The following UNC13C variants were observed in gnomAD, a reference collection of about 807,000 sequenced individuals.
UNC13C encodes the protein protein unc-13 homolog C.
In UNC13C, 174 loss-of-function variants were observed where a neutral mutation model predicts 245.4. The observed-to-expected ratio is 0.71, with a 90% confidence interval of 0.63 to 0.80. UNC13C has a LOEUF of 0.80. Ranked by LOEUF, UNC13C falls within the 30% of genes least tolerant of loss-of-function variation. The pLI, the probability that UNC13C is intolerant of heterozygous loss-of-function variation, is 0.00. For missense variants in UNC13C, 2,829 were observed against 2,602.9 expected (o/e 1.09, Z -1.89); for synonymous variants, 992 against 895.1 (o/e 1.11, Z -1.93).
chr15:54,330,344 T>C (rs976196830), intron 14 of UNC13C, among the ~76,000 whole-genome samples: 1 of 152,038 alleles, frequency 6.6e-6, no homozygotes, highest in Non-Finnish European at 1.5e-5. Flanking sequence ...CCATGGCATG[T>C]GGTCATCCTT....
At chr15:54,613,868 A>T (rs1900259833) in intron 30 of UNC13C, among the ~76,000 whole-genome samples, 1 of 151,964 alleles carries the variant, frequency 6.6e-6, no homozygotes, top group South Asian at 2.1e-4. Flanking sequence ...AGCATTTGTG[A>T]CCAGGGCAAA....
chr15:54,404,368 A>C (rs1256819801), intron 18 of UNC13C, among the ~76,000 whole-genome samples: 3 of 152,192 alleles, frequency 2.0e-5, no homozygotes, highest in Admixed American at 1.3e-4. Flanking sequence ...GAAATTTGCA[A>C]GATAATAAAT....
chr15:54,017,050 C>G (rs1895693376), intron 2 of UNC13C, among the ~76,000 whole-genome samples: 1 of 152,098 alleles, frequency 6.6e-6, no homozygotes, highest in Admixed American at 6.6e-5. Context: ...ATTGAATAAT[C>G]AGAAATCTTT....
chr15:54,179,149 A>C (rs2033714293), intron 4 of UNC13C, among the ~76,000 whole-genome samples: 1 of 152,046 alleles, frequency 6.6e-6, no homozygotes, highest in Admixed American at 6.6e-5. Flanking sequence ...CATGTACCCT[A>C]CCCATCTTAC....
chr15:54,180,156 T>A (rs987752321), intron 4 of UNC13C, among the ~76,000 whole-genome samples: 1 of 151,980 alleles, frequency 6.6e-6, no homozygotes, highest in African/African-American at 2.4e-5. Flanking sequence ...CTTTGCCTCT[T>A]CTCTTCTCCG....
chr15:54,028,444 A>C (rs1896210957), intron 2 of UNC13C, among the ~76,000 whole-genome samples: 1 of 152,128 alleles, frequency 6.6e-6, no homozygotes, highest in Non-Finnish European at 1.5e-5. Flanking sequence ...CTCAGCATCC[A>C]GCGATACATA....
chr15:53,857,192 T>C, the UNC13C span, among the ~76,000 whole-genome samples: 1 of 152,242 alleles, frequency 6.6e-6, no homozygotes, highest in African/African-American at 2.4e-5. Context: ...CACACTGGAG[T>C]CTCTGAGCCT....
chr15:54,446,234 C>T (rs951295175), intron 19 of UNC13C, among the ~76,000 whole-genome samples: 9 of 152,140 alleles, frequency 5.9e-5, no homozygotes, highest in African/African-American at 2.2e-4. Context: ...CGTGATGCCT[C>T]CAGCTTTATT....
intron 13 of UNC13C, among the ~76,000 whole-genome samples, chr15:54,314,492 A>G (rs528153873): frequency 6.6e-6 from 1 of 151,804 alleles, no homozygotes; most frequent in South Asian, 2.1e-4. Context: ...GAGAAGCTAT[A>G]CCATGGTGGA....
chr15:54,303,053 G>A (rs2037629731), intron 13 of UNC13C, among the ~76,000 whole-genome samples: 2 of 151,952 alleles, frequency 1.3e-5, no homozygotes, highest in Non-Finnish European at 2.9e-5. Flanking sequence ...AAAAAAATAA[G>A]AAACCTTAGA....
chr15:54,035,990 T>G (rs1896563530), intron 2 of UNC13C, among the ~76,000 whole-genome samples: 1 of 152,194 alleles, frequency 6.6e-6, no homozygotes, highest in African/African-American at 2.4e-5. Flanking sequence ...AGTCTTCCCA[T>G]CTAGGAATTG....
At chr15:54,586,676 C>T (rs1248178643) in intron 30 of UNC13C, among the ~76,000 whole-genome samples, 1 of 152,198 alleles carries the variant, frequency 6.6e-6, no homozygotes, top group Non-Finnish European at 1.5e-5. Context: ...TTTTAGTTGG[C>T]ATTTGCCCTT....
chr15:54,611,321 G>C (rs1900080695), intron 30 of UNC13C, among the ~76,000 whole-genome samples: 1 of 152,128 alleles, frequency 6.6e-6, no homozygotes, highest in Non-Finnish European at 1.5e-5. Context: ...AGAGCCCTTG[G>C]GTTTAGAAGG....
intron 25 of UNC13C, among the ~76,000 whole-genome samples, chr15:54,530,041 G>A (rs1272411056): frequency 6.6e-6 from 1 of 152,078 alleles, no homozygotes; most frequent in Admixed American, 6.6e-5. Context: ...AAAGCAATAC[G>A]AAATATTGCT....
intron 11 of UNC13C, among the ~76,000 whole-genome samples, chr15:54,296,372 T>A (rs895043733): frequency 2.9e-5 from 3 of 102,522 alleles, no homozygotes; most frequent in South Asian, 2.9e-4. Context: ...GGCTAATTTT[T>A]TTTTTTTTTT....
chr15:54,105,451 C>G (rs1187160911), intron 2 of UNC13C, among the ~76,000 whole-genome samples: 2 of 152,180 alleles, frequency 1.3e-5, no homozygotes, highest in Non-Finnish European at 2.9e-5. Context: ...CTTTCCCATT[C>G]TCTTTCCTTC....
the UNC13C span, among the ~76,000 whole-genome samples, chr15:53,890,736 C>G: frequency 7.1e-6 from 1 of 141,216 alleles, no homozygotes; most frequent in Non-Finnish European, 1.6e-5. Flanking sequence ...TTTATTGTGT[C>G]TGTTTGATTC....
At chr15:53,851,068 A>T in the UNC13C span, among the ~76,000 whole-genome samples, 4 of 151,694 alleles carry the variant, frequency 2.6e-5, no homozygotes, top group Non-Finnish European at 2.9e-5. Flanking sequence ...CTTATTATTT[A>T]AATTTTTTCT....
intron 18 of UNC13C, among the ~76,000 whole-genome samples, chr15:54,408,400 T>C (rs1203542821): frequency 6.6e-6 from 1 of 152,006 alleles, no homozygotes; most frequent in Non-Finnish European, 1.5e-5. Context: ...TTTTTCTTTA[T>C]TGGAAAGATC....
Sources: allele counts gnomAD v4.1 joint callset (sites outside exome capture counted in the v4.1 genomes callset), GRCh38; gene constraint gnomAD v4.1.1; transcripts MANE v1.5; gene names NCBI Gene and HGNC (gene_info 2026-07-23, HGNC 2026-07-21).